Variants in SLC35A1 observed in about 807,000 individuals in gnomAD.
The protein encoded by SLC35A1 is CMP-sialic acid transporter.
SLC35A1 carries 21 observed loss-of-function variants against 40.3 expected under a neutral mutation model. The ratio of observed to expected loss-of-function variants is 0.52; its 90% CI spans 0.37 to 0.75. The LOEUF (loss-of-function observed/expected upper bound fraction) is 0.75, where lower values mean the gene tolerates loss of function less well. SLC35A1 is among the 30% of genes least tolerant of loss of function. The pLI, the probability that SLC35A1 is intolerant of heterozygous loss-of-function variation, is 0.00. For synonymous variants in SLC35A1, 146 were observed against 147.3 expected, an observed-to-expected ratio of 0.99 and a Z score of 0.06; for missense variants, 297 against 382.1, an observed-to-expected ratio of 0.78 and a Z score of 1.86.
At chr6:87,510,398 T>C (rs1207925024) in intron 7 of SLC35A1, among the ~76,000 whole-genome samples, 3 of 152,198 alleles carry the variant, frequency 2.0e-5, no homozygotes, top group African/African-American at 7.2e-5. Context: ...TCAACTAGCA[T>C]GTCTTAGCAA....
intron 4 of SLC35A1, among the ~76,000 whole-genome samples, chr6:87,503,699 G>A (rs910853617): frequency 7.9e-5 from 12 of 152,102 alleles, no homozygotes; most frequent in African/African-American, 2.7e-4. Flanking sequence ...GTGATAGTGC[G>A]AGACTCTGTT....
intron 6 of SLC35A1, 143 bp from the exon 7 acceptor site, chr6:87,508,898 C>A: frequency 1.1e-6 from 1 of 894,204 alleles, no homozygotes; most frequent in Non-Finnish European, 1.8e-6. Context: ...TTAGTACAAA[C>A]TCTCAGATGG....
intron 2 of SLC35A1, among the ~76,000 whole-genome samples, chr6:87,499,851 C>T (rs1006505915): frequency 6.6e-6 from 1 of 152,168 alleles, no homozygotes; most frequent in East Asian, 1.9e-4. Context: ...TGCAGTGGCT[C>T]ACGCCTGTAA....
chr6:87,481,955 A>G (rs930129326), intron 2 of SLC35A1, among the ~76,000 whole-genome samples: 1 of 152,176 alleles, frequency 6.6e-6, no homozygotes, highest in African/African-American at 2.4e-5. Flanking sequence ...TCCACATTCT[A>G]TGCCTCCTTA....
At chr6:87,497,894 G>GTTT (rs11304517) in intron 2 of SLC35A1, among the ~76,000 whole-genome samples, 1 of 142,980 alleles carries the variant, frequency 7.0e-6, no homozygotes, top group African/African-American at 2.6e-5. Flanking sequence ...ACTCCTGGCA[G>GTTT]TTTTTTTTTT....
chr6:87,479,484 A>G (rs1402238070), intron 2 of SLC35A1, among the ~76,000 whole-genome samples: 1 of 152,208 alleles, frequency 6.6e-6, no homozygotes, highest in Non-Finnish European at 1.5e-5. Flanking sequence ...GCCATCCTGT[A>G]AAGGGGTCAT....
At chr6:87,492,573 GT>G (rs1769586911) in intron 2 of SLC35A1, among the ~76,000 whole-genome samples, 2 of 127,246 alleles carry the variant, frequency 1.6e-5, no homozygotes, top group African/African-American at 6.1e-5. Flanking sequence ...TTGAGTTGGA[GT>G]TTCACTCTTG....
intron 2 of SLC35A1, among the ~76,000 whole-genome samples, chr6:87,478,332 TTTTAA>T (rs1233094229): frequency 1.3e-5 from 2 of 152,234 alleles, no homozygotes; most frequent in Non-Finnish European, 1.5e-5. Context: ...TTGTTCATTT[TTTTAA>T]TTTGAGAAAA....
chr6:87,482,693 A>G (rs1259725313), intron 2 of SLC35A1, among the ~76,000 whole-genome samples: 1 of 152,166 alleles, frequency 6.6e-6, no homozygotes, highest in Non-Finnish European at 1.5e-5. Flanking sequence ...TTTATATGGT[A>G]ATTAATTAAG....
intron 1 of SLC35A1, among the ~76,000 whole-genome samples, 195 bp from the exon 2 acceptor site, chr6:87,477,167 G>T (rs1454734054): frequency 2.6e-5 from 1 of 39,012 alleles, no homozygotes; most frequent in Non-Finnish European, 4.8e-5. Flanking sequence ...GTCAGCTGTG[G>T]TGTGTGTGTG....
chr6:87,481,040 A>C (rs1452309910), intron 2 of SLC35A1, among the ~76,000 whole-genome samples: 1 of 152,148 alleles, frequency 6.6e-6, no homozygotes, highest in Non-Finnish European at 1.5e-5. Context: ...CCTGTGCTAA[A>C]AGACTTGTAG....
chr6:87,508,609 G>C lies in SLC35A1; in HGVS notation c.751+13G>C, dbSNP rs1322164022. 6.2e-7 allele frequency: 1 copy of C among 1,604,136 alleles called. No homozygotes were observed. The highest frequency in any genetic ancestry group is 8.5e-7 in the Non-Finnish European group (1 of 1,173,130). On this transcript the variant is annotated intron_variant, in intron 6 of 7. Transcript: ENST00000369552. ...TGGTTTGTCATCTGTAAGTATCCAG[G>C]AATTAAAGGTTCTTAGTAGATCCTT...
At position 87,483,155 on chromosome 6, in the gene SLC35A1, TTCTC is replaced by T. The variant is rs1010960976; in HGVS notation, c.194+5620_194+5623del. ...GAATAGGGTACACTGTTTTTATTAC[TTCTC>T]TCTGTCTCTCTCTCTCTCTTTCTCT... On this transcript the variant is annotated intron_variant, in intron 2 of 7. Transcript: ENST00000369552. Among the ~76,000 whole-genome samples the T allele has an allele frequency of 7.9e-5, 12 of 152,154 alleles. No individual in the cohort carries two copies. The South Asian group carries it at 1.2e-3, about 16-fold the overall frequency.
chr6:87,511,300 G>T, intron 7 of SLC35A1, 99 bp from the exon 8 acceptor site: 3 of 1,276,798 alleles, frequency 2.3e-6, no homozygotes, highest in Non-Finnish European at 3.4e-6. Flanking sequence ...TGATCTGATA[G>T]TGTAAACCCA....
chr6:87,480,946 G>T (rs929667262), intron 2 of SLC35A1, among the ~76,000 whole-genome samples: 6 of 152,112 alleles, frequency 3.9e-5, no homozygotes, highest in Admixed American at 1.3e-4. Context: ...TCTCAGGCTG[G>T]CTTGAGTTTT....
Position 87,489,683 on chromosome 6 carries a change from A to G in SLC35A1, c.195-10825A>G, listed in dbSNP as rs1470190149. 2.0e-5 allele frequency among the ~76,000 whole-genome samples: 3 copies of G among 151,922 alleles called. No individual in the cohort carries two copies. In the East Asian group the frequency reaches 5.8e-4, roughly 29 times the overall value. On this transcript the variant is annotated intron_variant, in intron 2 of 7. Transcript: ENST00000369552. ...CAGTCTCCTGACTAGCTGGGACTAC[A>G]GGCATGTGCCACCACGCCTGGCTAA... is the stretch of plus-strand genomic sequence containing the variant.
Position 87,511,397 on chromosome 6 carries a change from A to G in SLC35A1, c.887-2A>G, listed in dbSNP as rs769974175. The G allele has an allele frequency of 6.2e-7, 1 of 1,613,154 alleles. No individual in the cohort carries two copies. The highest frequency in any genetic ancestry group is 8.5e-7 in the Non-Finnish European group (1 of 1,179,612). On this transcript the variant is annotated splice_acceptor_variant, in intron 7 of 7. Coordinates refer to ENST00000369552, the MANE Select transcript of SLC35A1 (RefSeq NM_006416.5). LOFTEE classifies it high-confidence loss of function. ...TAAAGCTATTTTTTTTTTTCTTTTC[A>G]GCACTCACCTTTGCCCTGGGTACTC...
intron 4 of SLC35A1, among the ~76,000 whole-genome samples, chr6:87,505,454 T>C (rs1582194263): frequency 6.6e-6 from 1 of 152,368 alleles, no homozygotes; most frequent in African/African-American, 2.4e-5. Flanking sequence ...TATATACTTG[T>C]CAATTTTGCC....
At chr6:87,502,143 T>A (rs1395113121) in intron 4 of SLC35A1, among the ~76,000 whole-genome samples, 1 of 152,074 alleles carries the variant, frequency 6.6e-6, no homozygotes, top group Non-Finnish European at 1.5e-5. Flanking sequence ...ATTAAAACCC[T>A]ACTGTTTCTT....
Sources: allele counts gnomAD v4.1 joint callset (sites outside exome capture counted in the v4.1 genomes callset), GRCh38; gene constraint gnomAD v4.1.1; transcripts MANE v1.5; gene names NCBI Gene and HGNC (gene_info 2026-07-23, HGNC 2026-07-21).